The following NRCAM variants were observed in gnomAD, a reference collection of about 807,000 sequenced individuals.
The protein encoded by NRCAM is NgCAM-related cell adhesion molecule.
Under a neutral mutation model 156.5 loss-of-function variants are expected in NRCAM, and 83 were observed. That is an observed-to-expected ratio of 0.53 (90% CI 0.44 to 0.64). The LOEUF (loss-of-function observed/expected upper bound fraction) is 0.64, where lower values mean the gene tolerates loss of function less well. Among genes scored for constraint, NRCAM ranks in the 30% least tolerant of loss-of-function variants. The pLI is 0.00. For synonymous variants in NRCAM, 538 were observed against 563.9 expected (o/e 0.95, Z 0.65); for missense variants, 1,417 against 1,597.3 (o/e 0.89, Z 1.92).
chr7:108,277,411 T>A (rs2097678502), intron 3 of NRCAM, among the ~76,000 whole-genome samples: 1 of 152,196 alleles, frequency 6.6e-6, no homozygotes, highest in Non-Finnish European at 1.5e-5. Flanking sequence ...TTGTCCCATA[T>A]TTCTTGGAGG....
rs2099734846 is a variant in NRCAM, at chr7:108,384,849, T to C, written c.-174+14587A>G. 2.0e-5 allele frequency among the ~76,000 whole-genome samples: 3 copies of C among 152,170 alleles called. 1 individual carries two copies. In the South Asian group the frequency reaches 6.2e-4, roughly 32 times the overall value. Reference sequence around the variant, plus strand: ...GTTCATCACATTAGGATTTGGAAGTTTTGTCTCCTAAGCCCAGTTTTTGTG... The same window carrying C: ...GTTCATCACATTAGGATTTGGAAGTCTTGTCTCCTAAGCCCAGTTTTTGTG... On this transcript the variant is annotated intron_variant, in intron 2 of 32. Coordinates refer to ENST00000379028, the MANE Select transcript of NRCAM (RefSeq NM_001037132.4).
At chr7:108,286,856 G>T (rs2098120160) in intron 3 of NRCAM, among the ~76,000 whole-genome samples, 1 of 152,174 alleles carries the variant, frequency 6.6e-6, no homozygotes, top group Admixed American at 6.5e-5. Flanking sequence ...ATCTTACATA[G>T]TGAGGTTCCA....
At chr7:108,167,895 G>C (rs1455206665) in intron 29 of NRCAM, among the ~76,000 whole-genome samples, 1 of 152,048 alleles carries the variant, frequency 6.6e-6, no homozygotes, top group East Asian at 1.9e-4. Flanking sequence ...TTTCAAGTCA[G>C]TTTGATTTCT....
At chr7:108,279,118 T>C (rs1012074680) in intron 3 of NRCAM, among the ~76,000 whole-genome samples, 98 of 152,290 alleles carry the variant, frequency 6.4e-4, no homozygotes, top group African/African-American at 2.2e-3. Flanking sequence ...AAAGACTATA[T>C]GGTAAGAGAT....
At chr7:108,298,866 G>T (rs1013112944) in intron 3 of NRCAM, among the ~76,000 whole-genome samples, 35 of 151,120 alleles carry the variant, frequency 2.3e-4, no homozygotes, top group African/African-American at 8.3e-4. Context: ...AGCACTTTGT[G>T]AAGCCGAGGC....
intron 25 of NRCAM, 121 bp downstream of exon 25, chr7:108,180,102 T>G (rs756132077): frequency 5.2e-6 from 4 of 770,138 alleles, no homozygotes; most frequent in Non-Finnish European, 2.1e-6. Flanking sequence ...TATTCATCTA[T>G]AGAAATTTCA....
chr7:108,202,372 T>C (rs2078650338), intron 13 of NRCAM, among the ~76,000 whole-genome samples: 1 of 152,358 alleles, frequency 6.6e-6, no homozygotes, highest in African/African-American at 2.4e-5. Flanking sequence ...ATTTACTGCA[T>C]AATTTCATTT....
chr7:108,432,700 C>T (rs565072606), intron 1 of NRCAM, among the ~76,000 whole-genome samples: 2 of 152,250 alleles, frequency 1.3e-5, no homozygotes, highest in African/African-American at 2.4e-5. Context: ...ATCAAGAGTT[C>T]GAGACCAACC....
At chr7:108,383,005 G>T (rs2099708419) in intron 2 of NRCAM, among the ~76,000 whole-genome samples, 1 of 152,094 alleles carries the variant, frequency 6.6e-6, no homozygotes. Context: ...TTGCCTCACA[G>T]TGCTGTTGTG....
At chr7:108,359,135 C>A (rs1366285667) in intron 2 of NRCAM, among the ~76,000 whole-genome samples, 1 of 152,140 alleles carries the variant, frequency 6.6e-6, no homozygotes, top group Non-Finnish European at 1.5e-5. Context: ...CCCCATTGCC[C>A]CACACCTTCC....
intron 27 of NRCAM, among the ~76,000 whole-genome samples, chr7:108,175,612 T>C (rs1003777517): frequency 1.3e-5 from 2 of 152,158 alleles, no homozygotes; most frequent in African/African-American, 4.8e-5. Flanking sequence ...AGGTGCATTA[T>C]TCATACTTGT....
In NRCAM at chr7:108,232,539, G is replaced by C; in HGVS notation, c.231-17C>G. The C allele has an allele frequency of 1.3e-6, 2 of 1,583,914 alleles. No individual in the cohort carries two copies. Among genetic ancestry groups the C allele is most frequent in the Non-Finnish European group, 1.7e-6 (2 of 1,165,090 alleles). ...CAGGAAAAGCTGCCCAACACACGAA[G>C]TGTTAAGTGTATTAATGGTCCAGAA... On this transcript the variant is annotated splice_polypyrimidine_tract_variant and intron_variant, in intron 6 of 32. Coordinates refer to ENST00000379028, the MANE Select transcript of NRCAM (RefSeq NM_001037132.4).
chr7:108,300,456 C>T (rs1041389160), intron 3 of NRCAM, among the ~76,000 whole-genome samples: 1 of 152,048 alleles, frequency 6.6e-6, no homozygotes, highest in African/African-American at 2.4e-5. Flanking sequence ...GTCATGCATA[C>T]ACAAACAAAC....
chr7:108,374,919 CCTTA>C (rs1303735905), intron 2 of NRCAM, among the ~76,000 whole-genome samples: 1 of 152,006 alleles, frequency 6.6e-6, no homozygotes, highest in African/African-American at 2.4e-5. Flanking sequence ...TTGTTTTGTT[CCTTA>C]CTGATTAGCA....
chr7:108,156,096 C>T (rs1484704888), intron 32 of NRCAM, among the ~76,000 whole-genome samples: 1 of 152,100 alleles, frequency 6.6e-6, no homozygotes. Context: ...CTTTCCTACC[C>T]ACTCGCTAAA....
intron 3 of NRCAM, among the ~76,000 whole-genome samples, chr7:108,273,656 G>A (rs918029251): frequency 1.3e-5 from 2 of 152,138 alleles, no homozygotes; most frequent in Non-Finnish European, 2.9e-5. Flanking sequence ...TTTGTCAGAT[G>A]AGTAGATTGC....
intron 27 of NRCAM, 60 bp from the exon 28 acceptor site, chr7:108,175,417 C>G (rs1586434279): frequency 7.4e-7 from 1 of 1,351,004 alleles, no homozygotes; most frequent in Non-Finnish European, 1.0e-6. Flanking sequence ...CACCCATGAG[C>G]ATGTATAGCG....
chr7:108,254,551 C>CTTTTTT (rs71137620), intron 3 of NRCAM, among the ~76,000 whole-genome samples: 29,929 of 129,154 alleles, frequency 0.23, 3,853 homozygotes, highest in African/African-American at 0.27. Context: ...AACAATTTTG[C>CTTTTTT]TTTTTTTTTT....
intron 2 of NRCAM, among the ~76,000 whole-genome samples, chr7:108,341,697 T>C (rs1451285737): frequency 1.3e-5 from 2 of 152,112 alleles, no homozygotes; most frequent in Non-Finnish European, 2.9e-5. Flanking sequence ...TCTGTCCCCT[T>C]TCCCTACCAA....
Sources: allele counts gnomAD v4.1 joint callset (sites outside exome capture counted in the v4.1 genomes callset), GRCh38; gene constraint gnomAD v4.1.1; transcripts MANE v1.5; gene names NCBI Gene and HGNC (gene_info 2026-07-23, HGNC 2026-07-21).